RASAL2: variants seen among roughly 807,000 people sequenced by gnomAD.
RASAL2 encodes the protein RAS protein activator like 2, also known as ras GTPase-activating protein nGAP.
RASAL2 carries 58 observed loss-of-function variants against 128.9 expected under a neutral mutation model. That is an observed-to-expected ratio of 0.45 (90% CI 0.36 to 0.56). RASAL2 has a LOEUF of 0.56. Ranked by LOEUF, RASAL2 falls within the 20% of genes least tolerant of loss-of-function variation. The pLI, the probability that RASAL2 is intolerant of heterozygous loss-of-function variation, is 0.00. For synonymous variants in RASAL2, 561 were observed against 580.8 expected (o/e 0.97, Z 0.49); for missense variants, 1,360 against 1,601.6 (o/e 0.85, Z 2.57).
rs34462041 is a variant in RASAL2 at position 178,270,627 on chromosome 1, C to CT, written c.203-12923dup. Among the ~76,000 whole-genome samples the CT allele has an allele frequency of 6.3e-3, 869 of 138,408 alleles. 6 individuals are homozygous for CT. The highest frequency in any genetic ancestry group is 0.018 in the African/African-American group (686 of 37,548). The allele number at this position is 138,408 out of a possible 152,430, so 90.8% of individuals were successfully genotyped here. A position where few individuals can be genotyped will look rare whatever the true frequency, so the allele number is the denominator to read the frequency against. ...TCAAGTTGCCTTTTTCTGTGTCTCT[C>CT]TTTTTTTTTTTTTTATGTCTATATT... On this transcript the variant is annotated intron_variant, in intron 1 of 17. Coordinates refer to ENST00000367649, the MANE Select transcript of RASAL2 (RefSeq NM_170692.4).
chr1:178,456,532 A>G (rs1197891489), intron 12 of RASAL2, 189 bp from the exon 13 acceptor site: 2 of 686,100 alleles, frequency 2.9e-6, no homozygotes, highest in East Asian at 2.5e-5. Context: ...CGCCTCCTCC[A>G]TTCATCTCGA....
chr1:178,131,094 A>C (rs1425049708), intron 1 of RASAL2, among the ~76,000 whole-genome samples: 4 of 150,262 alleles, frequency 2.7e-5, no homozygotes, highest in Admixed American at 6.6e-5. Flanking sequence ...CCAAAAAAAA[A>C]CATGTGTTAT....
At chr1:178,383,045 TG>T (rs1672367652) in intron 3 of RASAL2, among the ~76,000 whole-genome samples, 1 of 152,086 alleles carries the variant, frequency 6.6e-6, no homozygotes, top group Non-Finnish European at 1.5e-5. Context: ...ATTCCTTGGC[TG>T]GGGAAAAAAA....
chr1:178,296,696 G>C (rs1667523230), intron 2 of RASAL2, among the ~76,000 whole-genome samples: 1 of 134,328 alleles, frequency 7.4e-6, no homozygotes, highest in Non-Finnish European at 1.6e-5. Flanking sequence ...TTTTGAGACA[G>C]AGTTTTGCTC....
At chr1:178,186,598 A>G (rs1290883533) in intron 1 of RASAL2, among the ~76,000 whole-genome samples, 1 of 152,088 alleles carries the variant, frequency 6.6e-6, no homozygotes, top group Non-Finnish European at 1.5e-5. Context: ...AGTAGTAGTC[A>G]GCAGTCATTC....
At chr1:178,415,970 G>T (rs145160135) in intron 4 of RASAL2, among the ~76,000 whole-genome samples, 57 of 151,938 alleles carry the variant, frequency 3.8e-4, no homozygotes, top group African/African-American at 1.2e-3. Flanking sequence ...TGAGTTTCTG[G>T]TAGATGATAT....
At chr1:178,312,839 A>G (rs1486050426) in intron 3 of RASAL2, among the ~76,000 whole-genome samples, 4 of 152,228 alleles carry the variant, frequency 2.6e-5, no homozygotes, top group African/African-American at 9.6e-5. Flanking sequence ...CTATAAGAGA[A>G]ACAAAAAAGT....
intron 1 of RASAL2, among the ~76,000 whole-genome samples, chr1:178,121,290 G>T (rs1213989505): frequency 1.3e-5 from 2 of 152,052 alleles, no homozygotes; most frequent in Admixed American, 6.6e-5. Flanking sequence ...TCGTATTTAT[G>T]TATTACTTTG....
intron 1 of RASAL2, among the ~76,000 whole-genome samples, chr1:178,243,252 TC>T (rs1367204078): frequency 6.6e-6 from 1 of 152,194 alleles, no homozygotes; most frequent in African/African-American, 2.4e-5. Flanking sequence ...TAGCTGGAGT[TC>T]CTACCGATCC....
intron 3 of RASAL2, among the ~76,000 whole-genome samples, chr1:178,309,823 T>C (rs888692248): frequency 6.6e-5 from 10 of 152,152 alleles, no homozygotes; most frequent in African/African-American, 2.2e-4. Context: ...TTCCTTGTGG[T>C]AGAGGGCATC....
chr1:178,436,838 G>A (rs1476860789), intron 5 of RASAL2, among the ~76,000 whole-genome samples: 8 of 151,896 alleles, frequency 5.3e-5, no homozygotes, highest in Non-Finnish European at 1.2e-4. Context: ...TCAGCCTCCC[G>A]AAGTGCTGGG....
chr1:178,187,457 T>A (rs1445627858), intron 1 of RASAL2, among the ~76,000 whole-genome samples: 2 of 152,188 alleles, frequency 1.3e-5, no homozygotes, highest in Admixed American at 6.5e-5. Context: ...TTATAGTCTT[T>A]CCTAATTCTA....
At chr1:178,169,947 A>G (rs917962402) in intron 1 of RASAL2, among the ~76,000 whole-genome samples, 8 of 152,030 alleles carry the variant, frequency 5.3e-5, no homozygotes, top group African/African-American at 1.9e-4. Flanking sequence ...GGTTTAAAAC[A>G]TTAACAGTTT....
At position 178,439,414 on chromosome 1, in the gene RASAL2, A is replaced by T; in HGVS notation, c.675-8A>T. ...TACACTACCTTAAATATCTTTTTCT[A>T]CTTTTAGGTCTCGTGGGCTGCCTAA... On this transcript the variant is annotated splice_polypyrimidine_tract_variant and splice_region_variant and intron_variant, in intron 5 of 17. Coordinates refer to ENST00000367649, the MANE Select transcript of RASAL2 (RefSeq NM_170692.4). 1 of 1,595,354 alleles carries T rather than the reference A, an allele frequency of 6.3e-7. No individual in the cohort carries two copies. The highest frequency in any genetic ancestry group is 8.5e-7 in the Non-Finnish European group (1 of 1,171,750).
intron 1 of RASAL2, among the ~76,000 whole-genome samples, chr1:178,134,501 G>A (rs1020053589): frequency 6.6e-6 from 1 of 150,912 alleles, no homozygotes; most frequent in Non-Finnish European, 1.5e-5. Context: ...TGATGTTGAA[G>A]GTGAAGCCTG....
At chr1:178,357,400 C>T (rs1670866366) in intron 3 of RASAL2, among the ~76,000 whole-genome samples, 1 of 150,932 alleles carries the variant, frequency 6.6e-6, no homozygotes, top group Non-Finnish European at 1.5e-5. Flanking sequence ...GTAAAAGCTA[C>T]CCTTTATCAT....
At chr1:178,371,322 C>CACACACACA (rs1671685261) in intron 3 of RASAL2, among the ~76,000 whole-genome samples, 1 of 124,372 alleles carries the variant, frequency 8.0e-6, no homozygotes, top group African/African-American at 2.8e-5. Flanking sequence ...GCCTTCTTTC[C>CACACACACA]CACACACACA....
chr1:178,099,647 T>C (rs1443931201), intron 1 of RASAL2, among the ~76,000 whole-genome samples: 2 of 152,250 alleles, frequency 1.3e-5, no homozygotes, highest in African/African-American at 2.4e-5. Context: ...TAGACAGTTA[T>C]GTTAATATTT....
chr1:178,147,198 C>T (rs1332749039), intron 1 of RASAL2, among the ~76,000 whole-genome samples: 1 of 151,918 alleles, frequency 6.6e-6, no homozygotes, highest in Non-Finnish European at 1.5e-5. Context: ...CCTTTTAAAG[C>T]TAGTTTATGG....
Sources: allele counts gnomAD v4.1 joint callset (sites outside exome capture counted in the v4.1 genomes callset), GRCh38; gene constraint gnomAD v4.1.1; transcripts MANE v1.5; gene names NCBI Gene and HGNC (gene_info 2026-07-23, HGNC 2026-07-21).